BICD1: variants seen among roughly 807,000 people sequenced by gnomAD.
The protein encoded by BICD1 is BICD cargo adaptor 1.
Under a neutral mutation model 92.5 loss-of-function variants are expected in BICD1, and 35 were observed. The observed-to-expected ratio is 0.38, with a 90% CI of 0.29 to 0.50. The LOEUF (loss-of-function observed/expected upper bound fraction) is 0.50. BICD1 is among the 20% of genes least tolerant of loss of function. The pLI is 0.93. For missense variants in BICD1, 950 were observed against 1,189.8 expected, an observed-to-expected ratio of 0.80 and a Z score of 2.97; for synonymous variants, 429 against 465.1, an observed-to-expected ratio of 0.92 and a Z score of 1.00.
intron 2 of BICD1, among the ~76,000 whole-genome samples, chr12:32,261,020 C>T (rs1157511166): frequency 6.6e-6 from 1 of 152,182 alleles, no homozygotes; most frequent in Non-Finnish European, 1.5e-5. Context: ...TCTCAGTTTC[C>T]TGACTGGGCT....
Position 32,367,725 on chromosome 12 carries a change from G to C in BICD1, c.2820G>C (p.Arg940Ser). Reference sequence around the variant, plus strand: ...CACAGTGCTCACAACTAGCCGGGAGGCAAGACTGCCCAACTGTCAGGTAAA... The same window carrying C: ...CACAGTGCTCACAACTAGCCGGGAGCCAAGACTGCCCAACTGTCAGGTAAA... Reference protein sequence around the residue: ...VPPQCSQLAGRQDCPTVSPDT... With the variant: ...VPPQCSQLAGSQDCPTVSPDT... The change falls in exon 9 of 10, where the codon AGG becomes AGC. Residue 940 changes from arginine (R) to serine (S), a missense_variant. Around this residue, in one of 5 missense-constraint regions of BICD1, gnomAD observed 179 missense variants for 186.7 expected, o/e 0.96. Transcript: ENST00000652176. 6.2e-7 allele frequency: 1 copy of C among 1,614,134 alleles called. No individual in the cohort carries two copies.
chr12:32,240,037 T>A (rs1241664811), intron 2 of BICD1, among the ~76,000 whole-genome samples: 4 of 152,234 alleles, frequency 2.6e-5, no homozygotes, highest in Non-Finnish European at 5.9e-5. Context: ...ACTCACTTTT[T>A]TGAGATATTT....
chr12:32,210,962 C>T (rs1945197268), intron 1 of BICD1, among the ~76,000 whole-genome samples: 1 of 152,214 alleles, frequency 6.6e-6, no homozygotes, highest in Non-Finnish European at 1.5e-5. Flanking sequence ...CTGGTGGAGC[C>T]AGACGAGTCG....
chr12:32,162,427 A>AT (rs1391963767), intron 1 of BICD1, among the ~76,000 whole-genome samples: 1 of 152,222 alleles, frequency 6.6e-6, no homozygotes, highest in Non-Finnish European at 1.5e-5. Context: ...TGAGGCAGTG[A>AT]TTAAGTATGG....
rs77803565 is a variant in BICD1 at position 32,196,931 on chromosome 12, T to G, written c.214-19316T>G. 4.3e-3 allele frequency among the ~76,000 whole-genome samples: 650 copies of G among 152,286 alleles called. 3 individuals carry two copies. Among genetic ancestry groups the G allele is most frequent in the African/African-American group, 0.015 (619 of 41,540 alleles). Reference sequence around the variant, plus strand: ...CTTTGTTAAATAAGTACTTTAAAATTTTACAAAAGACATTTACAAGCCACA... The same window carrying G: ...CTTTGTTAAATAAGTACTTTAAAATGTTACAAAAGACATTTACAAGCCACA... On this transcript the variant is annotated intron_variant, in intron 1 of 9. Coordinates refer to ENST00000652176, the MANE Select transcript of BICD1 (RefSeq NM_001714.4).
rs1272562402 is a variant in BICD1 at position 32,107,419 on chromosome 12, G to C, written c.88G>C (p.Glu30Gln). The change falls in exon 1 of 10, where the codon GAG (glutamate) becomes CAG (glutamine). Residue 30 changes from glutamate to glutamine, a missense_variant. By Grantham distance (29) the Glu-to-Gln change is conservative. Coordinates refer to ENST00000652176, the MANE Select transcript of BICD1 (RefSeq NM_001714.4). ...CAAGGAGCTCACGGAGACCACCCAC[G>C]AGAAGATCCAGGCTGCCGAGTACGG... ...LTKELTETTH[E>Q]KIQAAEYGLV... The C allele has an allele frequency of 6.2e-7, 1 of 1,612,262 alleles. No homozygotes were observed. The highest frequency in any genetic ancestry group is 8.5e-7 in the Non-Finnish European group (1 of 1,179,386).
chr12:32,234,597 A>G (rs1409342684), intron 2 of BICD1, among the ~76,000 whole-genome samples: 6 of 113,570 alleles, frequency 5.3e-5, no homozygotes, highest in African/African-American at 8.5e-5. Flanking sequence ...ACTCCGTCTC[A>G]AAAAAAAAAA....
chr12:32,304,122 T>A (rs541705619), intron 3 of BICD1, among the ~76,000 whole-genome samples: 3 of 152,132 alleles, frequency 2.0e-5, no homozygotes, highest in South Asian at 4.1e-4. Context: ...TCACTCTTGC[T>A]TAGGTGTCTG....
intron 8 of BICD1, 122 bp from the exon 9 acceptor site, chr12:32,367,548 G>C (rs970527175): frequency 1.2e-6 from 1 of 846,312 alleles, no homozygotes; most frequent in Non-Finnish European, 1.8e-6. Flanking sequence ...GCTGAATCAG[G>C]ATATTTCTGT....
At chr12:32,123,858 C>T (rs1565531323) in intron 1 of BICD1, among the ~76,000 whole-genome samples, 1 of 150,116 alleles carries the variant, frequency 6.7e-6, no homozygotes, top group East Asian at 2.0e-4. Flanking sequence ...TCCTGGGCGA[C>T]AGAGCAAGAC....
intron 2 of BICD1, among the ~76,000 whole-genome samples, chr12:32,233,918 C>A (rs555610205): frequency 6.6e-6 from 1 of 152,234 alleles, no homozygotes; most frequent in African/African-American, 2.4e-5. Flanking sequence ...ACAGATTAAT[C>A]TAAAAATCAA....
intron 1 of BICD1, among the ~76,000 whole-genome samples, chr12:32,203,742 G>T (rs946385556): frequency 6.6e-6 from 1 of 152,136 alleles, no homozygotes; most frequent in East Asian, 1.9e-4. Context: ...GTCCCCTCGA[G>T]AAGCCCTATA....
intron 2 of BICD1, among the ~76,000 whole-genome samples, chr12:32,251,629 A>T (rs968150348): frequency 6.6e-6 from 1 of 152,170 alleles, no homozygotes; most frequent in African/African-American, 2.4e-5. Context: ...ATACAGCTAC[A>T]TACTGTTCTA....
At chr12:32,221,075 C>G (rs1945504467) in intron 2 of BICD1, among the ~76,000 whole-genome samples, 1 of 124,602 alleles carries the variant, frequency 8.0e-6, no homozygotes, top group Admixed American at 1.1e-4. Flanking sequence ...AGGGGAACAT[C>G]ACACTCTGGG....
At chr12:32,316,882 T>A (rs1948519243) in intron 4 of BICD1, among the ~76,000 whole-genome samples, 1 of 151,296 alleles carries the variant, frequency 6.6e-6, no homozygotes, top group Non-Finnish European at 1.5e-5. Context: ...CAGTCCCCGG[T>A]GTGTGATGTT....
chr12:32,191,775 T>C (rs1056304437), intron 1 of BICD1, among the ~76,000 whole-genome samples: 1 of 151,474 alleles, frequency 6.6e-6, no homozygotes, highest in African/African-American at 2.4e-5. Flanking sequence ...CTTTGGGGTA[T>C]CACAGACTGT....
chr12:32,338,220 G>A, intron 7 of BICD1: 1 of 195,540 alleles, frequency 5.1e-6, no homozygotes, highest in Non-Finnish European at 1.1e-5. Context: ...AAATGGTGCT[G>A]TTTATCAGCT....
chr12:32,120,884 AGAGAGAGAGAG>A (rs775971291), intron 1 of BICD1, among the ~76,000 whole-genome samples: 3 of 133,934 alleles, frequency 2.2e-5, no homozygotes, highest in African/African-American at 6.5e-5. Flanking sequence ...AGAGAGAGAG[AGAGAGAGAGAG>A]AAAAAAAAAA....
In BICD1 at chr12:32,305,686, G is replaced by C; in HGVS notation, c.580-11G>C. On this transcript the variant is annotated splice_polypyrimidine_tract_variant and intron_variant, in intron 3 of 9. Transcript: ENST00000652176. ...TAGTTTTATGAATCTTCTTTATCCTGTCTGATTCAGGTTGAATACGAAGGC... is the reference window on the plus strand; with the variant it reads ...TAGTTTTATGAATCTTCTTTATCCTCTCTGATTCAGGTTGAATACGAAGGC... 4 of 1,594,346 alleles carry C rather than the reference G, an allele frequency of 2.5e-6. No individual in the cohort carries two copies. The highest frequency in any genetic ancestry group is 3.4e-6 in the Non-Finnish European group (4 of 1,171,564).
Sources: gnomAD v4.1 joint callset for allele counts (sites outside exome capture counted in the v4.1 genomes callset) on GRCh38, gnomAD v4.1.1 for gene constraint, gnomAD v4.1.1 regional missense constraint, MANE v1.5 for transcripts, NCBI Gene and HGNC (gene_info 2026-07-23, HGNC 2026-07-21) for gene names.